NOL4L: variants seen among roughly 807,000 people sequenced by gnomAD.
NOL4L encodes the protein nucleolar protein 4 like.
In NOL4L, 7 loss-of-function variants were observed where a neutral mutation model predicts 64.5. The ratio of observed to expected loss-of-function variants is 0.11; its 90% CI spans 0.06 to 0.20. The LOEUF is 0.20. Ranked by LOEUF, NOL4L falls within the 10% of genes least tolerant of loss-of-function variation. The pLI is 1.00. For synonymous variants in NOL4L, 413 were observed against 401.0 expected (o/e 1.03, Z -0.36); for missense variants, 680 against 967.1 (o/e 0.70, Z 3.94).
chr20:32,454,102 G>T (rs984980053), intron 6 of NOL4L: 5 of 255,632 alleles, frequency 2.0e-5, no homozygotes, highest in Admixed American at 1.4e-4. Flanking sequence ...GTGTACAGGG[G>T]AAAGGCAGAC....
intron 4 of NOL4L, chr20:32,486,905 C>T (rs2145506936): frequency 2.5e-6 from 1 of 407,704 alleles, no homozygotes; most frequent in Admixed American, 3.2e-5. Flanking sequence ...AGAGAAACTC[C>T]ACAACACAAC....
At chr20:32,466,953 G>A (rs910943315) in intron 5 of NOL4L, among the ~76,000 whole-genome samples, 4 of 152,162 alleles carry the variant, frequency 2.6e-5, no homozygotes, top group Non-Finnish European at 4.4e-5. Context: ...GAGGGCTGCT[G>A]TGACCCAGGG....
intron 1 of NOL4L, among the ~76,000 whole-genome samples, chr20:32,538,249 G>T (rs1205459775): frequency 6.6e-6 from 1 of 152,224 alleles, no homozygotes; most frequent in Non-Finnish European, 1.5e-5. Flanking sequence ...TTGGGGGGCA[G>T]GGAGGGTTCA....
intron 1 of NOL4L, among the ~76,000 whole-genome samples, chr20:32,547,552 T>C (rs1283907182): frequency 6.6e-6 from 1 of 152,062 alleles, no homozygotes; most frequent in Non-Finnish European, 1.5e-5. Context: ...CAGACTCCCA[T>C]AGTTCAGGGA....
chr20:32,567,009 A>C (rs534099003), intron 1 of NOL4L, among the ~76,000 whole-genome samples: 1 of 152,338 alleles, frequency 6.6e-6, no homozygotes, highest in East Asian at 1.9e-4. Context: ...CCCAGGCTGC[A>C]CAGGAAGTGA....
intron 5 of NOL4L, among the ~76,000 whole-genome samples, chr20:32,457,786 C>G (rs1014997091): frequency 6.6e-6 from 1 of 152,232 alleles, no homozygotes; most frequent in Non-Finnish European, 1.5e-5. Context: ...GGGCTCTGCT[C>G]AAAGCCCGCC....
At chr20:32,502,692 C>T (rs2016972422) in intron 4 of NOL4L, among the ~76,000 whole-genome samples, 1 of 151,852 alleles carries the variant, frequency 6.6e-6, no homozygotes, top group African/African-American at 2.4e-5. Context: ...GGGTGGATCA[C>T]CTGAGGTCAG....
chr20:32,523,955 A>G (rs1447368715), intron 2 of NOL4L, among the ~76,000 whole-genome samples: 2 of 152,094 alleles, frequency 1.3e-5, no homozygotes, highest in African/African-American at 2.4e-5. Flanking sequence ...ACCACTTTAC[A>G]AGATCCTCCT....
chr20:32,470,101 C>CAT (rs1402444902), intron 5 of NOL4L, among the ~76,000 whole-genome samples: 3 of 152,256 alleles, frequency 2.0e-5, no homozygotes, highest in African/African-American at 7.2e-5. Context: ...CTGCAGAAGG[C>CAT]GGATGCAGGC....
At chr20:32,467,416 CT>C (rs2145465195) in intron 5 of NOL4L, among the ~76,000 whole-genome samples, 1 of 152,238 alleles carries the variant, frequency 6.6e-6, no homozygotes, top group Non-Finnish European at 1.5e-5. Flanking sequence ...CAAGGACCCC[CT>C]AGCCCGGCTC....
rs565558989 is a variant in NOL4L at position 32,542,409 on chromosome 20, A to G, written c.322-14496T>C. ...CGCTGTGTCACCCAGACTGGAGTATAGTGGCAGGATCACGGCTCACTGCAG... is the reference window on the plus strand; with the variant it reads ...CGCTGTGTCACCCAGACTGGAGTATGGTGGCAGGATCACGGCTCACTGCAG... On this transcript the variant is annotated intron_variant, in intron 1 of 10. Coordinates refer to ENST00000621426, the MANE Select transcript of NOL4L (RefSeq NM_001256798.2). Among the ~76,000 whole-genome samples the G allele has an allele frequency of 3.3e-5, 5 of 152,320 alleles. No individual in the cohort carries two copies. In the South Asian group the frequency reaches 6.2e-4, roughly 19 times the overall value.
chr20:32,482,923 G>T (rs1039698097), intron 4 of NOL4L, among the ~76,000 whole-genome samples: 1 of 150,012 alleles, frequency 6.7e-6, no homozygotes. Context: ...GCCGGGACGC[G>T]GTGCCGAGCC....
chr20:32,583,496 G>A (rs1980637221), intron 1 of NOL4L, among the ~76,000 whole-genome samples: 1 of 147,400 alleles, frequency 6.8e-6, no homozygotes, highest in Middle Eastern at 3.5e-3. Context: ...AGGCCGGCGC[G>A]GGGCGGCCCG....
At chr20:32,539,395 A>G (rs1280505178) in intron 1 of NOL4L, among the ~76,000 whole-genome samples, 2 of 152,256 alleles carry the variant, frequency 1.3e-5, no homozygotes, top group East Asian at 3.9e-4. Context: ...GGGCTTTGGA[A>G]TCAGAACTGG....
chr20:32,448,195 C>T (rs528981165), intron 10 of NOL4L, among the ~76,000 whole-genome samples: 27 of 152,262 alleles, frequency 1.8e-4, no homozygotes, highest in Non-Finnish European at 2.9e-4. Flanking sequence ...TGCCAGTGTG[C>T]CTAAAGGAGC....
intron 4 of NOL4L, among the ~76,000 whole-genome samples, chr20:32,506,792 G>A (rs1405728925): frequency 2.0e-5 from 3 of 152,158 alleles, no homozygotes; most frequent in African/African-American, 7.2e-5. Flanking sequence ...TGTCTGTGAA[G>A]GGGTCTGCTC....
intron 5 of NOL4L, among the ~76,000 whole-genome samples, chr20:32,459,628 G>A (rs868288184): frequency 1.6e-4 from 25 of 151,914 alleles, no homozygotes; most frequent in Non-Finnish European, 1.0e-4. Context: ...CAGGCGATCC[G>A]CCCGCCTCAG....
In NOL4L at chr20:32,511,408, A is replaced by G. The variant is rs1600795038; in HGVS notation, c.638T>C (p.Met213Thr). The part of the protein sequence containing the change: ...PLVSGIIDYN[M>T]PLTSTYLKQM... ...CTTCAGGTAGGTGGAGGTGAGGGGC[A>G]TGTTGTAATCAATAATCCCAGAGAC... The change falls in exon 4 of 11, where the codon ATG becomes ACG. Residue 213 changes from methionine (M) to threonine (T), a missense_variant. Physicochemically the swap from Met to Thr is moderately conservative, Grantham distance 81. Coordinates refer to ENST00000621426, the MANE Select transcript of NOL4L (RefSeq NM_001256798.2). The G allele has an allele frequency of 6.4e-7, 1 of 1,550,510 alleles. No homozygotes were observed. Among genetic ancestry groups the G allele is most frequent in the Non-Finnish European group, 8.7e-7 (1 of 1,146,952 alleles).
chr20:32,474,944 C>T, intron 4 of NOL4L: 1 of 985,424 alleles, frequency 1.0e-6, no homozygotes, highest in Non-Finnish European at 1.2e-6. Flanking sequence ...CTGTCGGAAG[C>T]CAAGGCTAAG....
Sources: allele counts gnomAD v4.1 joint callset (sites outside exome capture counted in the v4.1 genomes callset), GRCh38; gene constraint gnomAD v4.1.1; transcripts MANE v1.5; gene names NCBI Gene and HGNC (gene_info 2026-07-23, HGNC 2026-07-21).